Variants in ATG10 observed in about 807,000 individuals in gnomAD.
The protein encoded by ATG10 is autophagy related 10.
Under a neutral mutation model 32.1 loss-of-function variants are expected in ATG10, and 30 were observed. The ratio of observed to expected loss-of-function variants is 0.94; its 90% CI spans 0.70 to 1.27. The LOEUF is 1.27. Among genes scored for constraint, ATG10 ranks in the 50% most tolerant of loss-of-function variants. The pLI is 0.00. For missense variants in ATG10, 233 were observed against 262.3 expected, an observed-to-expected ratio of 0.89 and a Z score of 0.77; for synonymous variants, 87 against 91.5, an observed-to-expected ratio of 0.95 and a Z score of 0.28.
chr5:82,030,639 CATT>C, intron 2 of ATG10, among the ~76,000 whole-genome samples: 1 of 152,260 alleles, frequency 6.6e-6, no homozygotes, highest in Admixed American at 6.5e-5. Flanking sequence ...TTTTGGTGAT[CATT>C]AGTTGCTGGT....
At chr5:82,054,239 T>C (rs989215226) in intron 2 of ATG10, among the ~76,000 whole-genome samples, 1 of 152,164 alleles carries the variant, frequency 6.6e-6, no homozygotes, top group African/African-American at 2.4e-5. Flanking sequence ...TGAGAACCAT[T>C]GTTAATGTAG....
chr5:82,143,690 T>G (rs1055130100), intron 3 of ATG10, among the ~76,000 whole-genome samples: 1 of 152,208 alleles, frequency 6.6e-6, no homozygotes, highest in Non-Finnish European at 1.5e-5. Flanking sequence ...AGGCTCAAAA[T>G]GTAGAAAAGA....
chr5:82,105,061 A>T (rs1252638402), intron 3 of ATG10, among the ~76,000 whole-genome samples: 1 of 152,150 alleles, frequency 6.6e-6, no homozygotes, highest in African/African-American at 2.4e-5. Flanking sequence ...ACACTTGCAC[A>T]TAATGACGTC....
intron 3 of ATG10, among the ~76,000 whole-genome samples, chr5:82,136,225 A>G (rs778952382): frequency 2.8e-4 from 42 of 152,070 alleles, no homozygotes; most frequent in Non-Finnish European, 5.1e-4. Context: ...GCTCATTTAG[A>G]TTTATGGTTA....
chr5:82,214,155 C>T (rs1223167266), intron 5 of ATG10, among the ~76,000 whole-genome samples: 1 of 152,152 alleles, frequency 6.6e-6, no homozygotes, highest in Non-Finnish European at 1.5e-5. Context: ...ACATGGTAAA[C>T]TTTGAACATT....
At chr5:82,044,479 A>C (rs530450879) in intron 2 of ATG10, among the ~76,000 whole-genome samples, 1 of 151,980 alleles carries the variant, frequency 6.6e-6, no homozygotes, top group African/African-American at 2.4e-5. Flanking sequence ...TTTCAGTCAT[A>C]TTTACCTATT....
At chr5:82,220,717 C>T (rs1347059115) in intron 5 of ATG10, among the ~76,000 whole-genome samples, 1 of 150,620 alleles carries the variant, frequency 6.6e-6, no homozygotes, top group African/African-American at 2.4e-5. Flanking sequence ...GCAAGCTCTG[C>T]CTCCTGGGTC....
chr5:82,075,052 G>T (rs1387285554), intron 3 of ATG10, among the ~76,000 whole-genome samples: 3 of 152,166 alleles, frequency 2.0e-5, no homozygotes, highest in African/African-American at 7.2e-5. Flanking sequence ...GCTTCTTGTG[G>T]ACCTAAGATG....
At chr5:82,224,077 C>T (rs766846245) in intron 5 of ATG10, among the ~76,000 whole-genome samples, 149 of 152,216 alleles carry the variant, frequency 9.8e-4, no homozygotes, top group Non-Finnish European at 1.1e-3. Context: ...GACCATGGGT[C>T]GACAGAATAT....
At chr5:82,010,118 G>C (rs536231831) in intron 2 of ATG10, 4 of 1,563,956 alleles carry the variant, frequency 2.6e-6, no homozygotes, top group South Asian at 1.1e-5. Context: ...AGTTTTCCTC[G>C]GCGGCGTCAT....
intron 3 of ATG10, among the ~76,000 whole-genome samples, chr5:82,094,740 C>G (rs1168828715): frequency 6.6e-6 from 1 of 151,864 alleles, no homozygotes; most frequent in African/African-American, 2.4e-5. Flanking sequence ...AAATAATTAC[C>G]TTTGCATGTT....
chr5:82,200,534 G>A (rs1339093635), intron 5 of ATG10, among the ~76,000 whole-genome samples: 1 of 133,724 alleles, frequency 7.5e-6, no homozygotes, highest in Non-Finnish European at 1.5e-5. Context: ...GGAGTGCAGT[G>A]GCACAATCAT....
intron 3 of ATG10, among the ~76,000 whole-genome samples, chr5:82,072,013 G>T (rs145917603): frequency 6.6e-6 from 1 of 152,140 alleles, no homozygotes; most frequent in African/African-American, 2.4e-5. Flanking sequence ...GCAGAAGTAA[G>T]ACTGCAGTGA....
intron 4 of ATG10, among the ~76,000 whole-genome samples, chr5:82,167,779 C>T (rs1743640070): frequency 6.6e-6 from 1 of 152,162 alleles, no homozygotes; most frequent in Non-Finnish European, 1.5e-5. Flanking sequence ...CTGCTTCTGC[C>T]TCTCATTTCT....
chr5:82,008,729 A>T (rs1762049134), intron 2 of ATG10, among the ~76,000 whole-genome samples: 1 of 152,194 alleles, frequency 6.6e-6, no homozygotes, highest in Non-Finnish European at 1.5e-5. Context: ...TCTGACCCTC[A>T]GCTTTTTGGG....
At chr5:82,059,837 C>T (rs1006095671) in intron 3 of ATG10, among the ~76,000 whole-genome samples, 5 of 152,080 alleles carry the variant, frequency 3.3e-5, no homozygotes, top group African/African-American at 1.2e-4. Context: ...AAGCTAAGTG[C>T]CCCCAGATGG....
At chr5:82,176,623 G>A (rs1330930443) in intron 4 of ATG10, among the ~76,000 whole-genome samples, 7 of 152,006 alleles carry the variant, frequency 4.6e-5, no homozygotes, top group Non-Finnish European at 8.8e-5. Flanking sequence ...TGCATGCATG[G>A]CATTTGCATA....
chr5:82,016,522 A>G (rs1454280932), intron 2 of ATG10, among the ~76,000 whole-genome samples: 2 of 152,068 alleles, frequency 1.3e-5, no homozygotes, highest in African/African-American at 2.4e-5. Context: ...TAATGCCTCC[A>G]GATTTGTTCT....
intron 1 of ATG10, among the ~76,000 whole-genome samples, chr5:81,986,361 G>T (rs1761272601): frequency 6.6e-6 from 1 of 152,196 alleles, no homozygotes; most frequent in Admixed American, 6.5e-5. Context: ...TGGCAAGTTG[G>T]TTAGATGGAG....
Sources: gnomAD v4.1 joint callset for allele counts (sites outside exome capture counted in the v4.1 genomes callset) on GRCh38, gnomAD v4.1.1 for gene constraint, MANE v1.5 for transcripts, NCBI Gene and HGNC (gene_info 2026-07-23, HGNC 2026-07-21) for gene names.